CDH12: variants seen among roughly 807,000 people sequenced by gnomAD.
CDH12 encodes the protein cadherin-12.
Under a neutral mutation model 74.1 loss-of-function variants are expected in CDH12, and 41 were observed. That is an observed-to-expected ratio of 0.55 (90% confidence interval 0.43 to 0.72). CDH12 has a LOEUF of 0.72. CDH12 is among the 30% of genes least tolerant of loss of function. The pLI is 0.00. For synonymous variants in CDH12, 399 were observed against 355.0 expected (o/e 1.12, Z -1.39); for missense variants, 945 against 977.2 (o/e 0.97, Z 0.44).
chr5:22,374,356 T>C (rs1249441492), intron 3 of CDH12, among the ~76,000 whole-genome samples: 2 of 152,140 alleles, frequency 1.3e-5, no homozygotes, highest in African/African-American at 2.4e-5. Context: ...TATAATTACA[T>C]TGAATGGGGA....
rs992683439 is a variant in CDH12 at position 22,102,335 on chromosome 5, C to T, written c.-186-23473G>A. On this transcript the variant is annotated intron_variant, in intron 4 of 14. Transcript: ENST00000382254. ...TCCTGGGTGCTTTGAAAAAGTAGTG[C>T]GATGGTTTGAATGTGTCCTCCAAAA... 3.9e-5 allele frequency among the ~76,000 whole-genome samples: 6 copies of T among 152,040 alleles called. No homozygotes were observed. In the South Asian group the frequency reaches 1.0e-3, roughly 26 times the overall value.
chr5:22,554,304 T>C (rs529078494), intron 1 of CDH12, among the ~76,000 whole-genome samples: 1 of 152,204 alleles, frequency 6.6e-6, no homozygotes, highest in African/African-American at 2.4e-5. Flanking sequence ...TGGGAAACTA[T>C]CAATTGGCTG....
At chr5:22,682,263 T>C (rs1359827076) in intron 1 of CDH12, among the ~76,000 whole-genome samples, 1 of 152,134 alleles carries the variant, frequency 6.6e-6, no homozygotes, top group East Asian at 1.9e-4. Context: ...AATTTCAGAA[T>C]ATTGCTGTTA....
chr5:22,716,542 T>A (rs1437146577), intron 1 of CDH12, among the ~76,000 whole-genome samples: 1 of 152,058 alleles, frequency 6.6e-6, no homozygotes, highest in East Asian at 1.9e-4. Context: ...GTTTTTGTAT[T>A]TATTATACTT....
intron 3 of CDH12, among the ~76,000 whole-genome samples, chr5:22,242,322 T>A (rs1252160476): frequency 6.6e-6 from 1 of 152,244 alleles, no homozygotes; most frequent in African/African-American, 2.4e-5. Flanking sequence ...CAGATATGAA[T>A]GCGTTTGTTA....
chr5:22,356,661 T>C (rs1479529277), intron 3 of CDH12, among the ~76,000 whole-genome samples: 1 of 152,150 alleles, frequency 6.6e-6, no homozygotes, highest in Non-Finnish European at 1.5e-5. Flanking sequence ...GTTCAGGTCA[T>C]ATTGCTAATT....
At chr5:22,463,510 A>T (rs983124056) in intron 2 of CDH12, among the ~76,000 whole-genome samples, 1 of 152,170 alleles carries the variant, frequency 6.6e-6, no homozygotes, top group Admixed American at 6.5e-5. Context: ...AATGTCTAGT[A>T]CTAGCCAAAT....
In CDH12 at chr5:22,713,717, A is replaced by ATG. The variant is rs1375083101; in HGVS notation, c.-523+139339_-523+139340dup. 5.3e-5 allele frequency among the ~76,000 whole-genome samples: 8 copies of ATG among 151,994 alleles called. No homozygotes were observed. The East Asian group carries it at 1.2e-3, about 22-fold the overall frequency. On this transcript the variant is annotated intron_variant, in intron 1 of 14. Coordinates refer to ENST00000382254, the MANE Select transcript of CDH12 (RefSeq NM_004061.5). ...TGGTTGTAGATGGGAGGGTGTGTGT[A>ATG]TGTGTGTGTGTGCCTGTGTTATTAA...
chr5:22,717,837 A>T (rs1743658860), intron 1 of CDH12, among the ~76,000 whole-genome samples: 1 of 152,150 alleles, frequency 6.6e-6, no homozygotes. Flanking sequence ...AGAAATAAGA[A>T]AATGCTCAAA....
chr5:22,337,398 C>T (rs1206864447), intron 3 of CDH12, among the ~76,000 whole-genome samples: 2 of 152,138 alleles, frequency 1.3e-5, no homozygotes, highest in South Asian at 2.1e-4. Flanking sequence ...TATGGTTTGG[C>T]CCTGTGTCTC....
At chr5:22,151,775 A>G (rs1747598913) in intron 4 of CDH12, 1 of 152,214 alleles carries the variant, frequency 6.6e-6, no homozygotes, top group African/African-American at 2.4e-5. Flanking sequence ...GAAAACAGTT[A>G]AGTCAATATA....
chr5:22,147,568 C>CT (rs1464080114), intron 4 of CDH12, among the ~76,000 whole-genome samples: 3 of 149,614 alleles, frequency 2.0e-5, no homozygotes, highest in Non-Finnish European at 4.4e-5. Context: ...TAAGTCATAC[C>CT]TGAGACTGGG....
chr5:21,783,878 A>G (rs1746055907), intron 10 of CDH12, among the ~76,000 whole-genome samples: 2 of 152,180 alleles, frequency 1.3e-5, no homozygotes, highest in Admixed American at 1.3e-4. Flanking sequence ...GGAAACAACT[A>G]CAAAGAACCC....
chr5:22,643,714 C>T (rs1374945538), intron 1 of CDH12, among the ~76,000 whole-genome samples: 9 of 97,880 alleles, frequency 9.2e-5, no homozygotes, highest in Admixed American at 9.2e-4. Flanking sequence ...TTTTATTGCG[C>T]TTTTGGATTT....
At chr5:22,777,315 A>T (rs982755155) in intron 1 of CDH12, among the ~76,000 whole-genome samples, 2 of 152,118 alleles carry the variant, frequency 1.3e-5, no homozygotes, top group African/African-American at 4.8e-5. Flanking sequence ...ATTTATTTAT[A>T]AGGTGTTATT....
In CDH12 at chr5:21,963,093, C is replaced by CGATAGATA. The variant is rs199706779; in HGVS notation, c.526+11990_526+11997dup. On this transcript the variant is annotated intron_variant, in intron 6 of 14. Coordinates refer to ENST00000382254, the MANE Select transcript of CDH12 (RefSeq NM_004061.5). ...GCAACTTTAAGCTATTTACAAATAT[C>CGATAGATA]GATAGATAGATAGATAGATAGATAG... Among the ~76,000 whole-genome samples, 366 of 150,968 alleles carry CGATAGATA rather than the reference C, an allele frequency of 2.4e-3. 3 individuals are homozygous for CGATAGATA. The East Asian group carries it at 0.029, about 12-fold the overall frequency.
At chr5:22,031,107 G>T (rs916342436) in intron 5 of CDH12, among the ~76,000 whole-genome samples, 1 of 152,014 alleles carries the variant, frequency 6.6e-6, no homozygotes, top group Non-Finnish European at 1.5e-5. Flanking sequence ...GGCCAAGGCG[G>T]GTGGATCACA....
At chr5:22,838,352 C>A (rs80287842) in intron 1 of CDH12, among the ~76,000 whole-genome samples, 2,010 of 152,218 alleles carry the variant, frequency 0.013, 45 homozygotes, top group African/African-American at 0.046. Context: ...CACCTGCACC[C>A]GTGCTTCAGG....
chr5:22,604,627 A>G (rs920439564), intron 1 of CDH12, among the ~76,000 whole-genome samples: 3 of 152,190 alleles, frequency 2.0e-5, no homozygotes, highest in African/African-American at 7.2e-5. Flanking sequence ...TATTGCATCT[A>G]AAAAAACCTT....
Sources: gnomAD v4.1 joint callset for allele counts (sites outside exome capture counted in the v4.1 genomes callset) on GRCh38, gnomAD v4.1.1 for gene constraint, MANE v1.5 for transcripts, NCBI Gene and HGNC (gene_info 2026-07-23, HGNC 2026-07-21) for gene names.